The following PTPRR variants were observed in gnomAD, a reference collection of about 807,000 sequenced individuals.
The protein encoded by PTPRR is protein tyrosine phosphatase receptor type R, also known as receptor-type tyrosine-protein phosphatase R.
Under a neutral mutation model 77.2 loss-of-function variants are expected in PTPRR, and 38 were observed. The ratio of observed to expected loss-of-function variants is 0.49; its 90% CI spans 0.38 to 0.65. The LOEUF is 0.65. PTPRR is among the 30% of genes least tolerant of loss of function. PTPRR has a pLI of 0.00. For missense variants in PTPRR, 744 were observed against 799.2 expected (o/e 0.93, Z 0.83); for synonymous variants, 299 against 283.1 (o/e 1.06, Z -0.57).
At chr12:70,798,147 C>T (rs554903757) in intron 2 of PTPRR, among the ~76,000 whole-genome samples, 1 of 152,284 alleles carries the variant, frequency 6.6e-6, no homozygotes, top group African/African-American at 2.4e-5. Context: ...AGTGGAACTA[C>T]TAATCATTCA....
intron 1 of PTPRR, among the ~76,000 whole-genome samples, chr12:70,910,449 A>G (rs576715457): frequency 6.6e-6 from 1 of 152,304 alleles, no homozygotes; most frequent in East Asian, 1.9e-4. Flanking sequence ...CACCTTGGGT[A>G]GAGTTTAGCA....
At chr12:70,785,511 A>G (rs762103262) in intron 2 of PTPRR, among the ~76,000 whole-genome samples, 5 of 152,210 alleles carry the variant, frequency 3.3e-5, no homozygotes, top group Non-Finnish European at 7.3e-5. Context: ...ATTTTGAGTA[A>G]GCCCCTATCC....
chr12:70,706,011 C>T (rs1318617921), intron 6 of PTPRR, among the ~76,000 whole-genome samples: 2 of 150,306 alleles, frequency 1.3e-5, no homozygotes, highest in African/African-American at 4.9e-5. Flanking sequence ...TCTAGAATAA[C>T]TCTACTTAAA....
chr12:70,775,908 G>A (rs7306834), intron 2 of PTPRR, among the ~76,000 whole-genome samples: 2 of 151,926 alleles, frequency 1.3e-5, no homozygotes, highest in South Asian at 4.2e-4. Flanking sequence ...AGTAGAGAAC[G>A]CTGACCTGTT....
intron 2 of PTPRR, among the ~76,000 whole-genome samples, chr12:70,877,909 T>C (rs1393814438): frequency 6.6e-6 from 1 of 151,952 alleles, no homozygotes; most frequent in East Asian, 1.9e-4. Flanking sequence ...GAGATATAGA[T>C]CAATGGAACA....
At position 70,764,765 on chromosome 12, in the gene PTPRR, T is replaced by A. The variant is rs1321936566; in HGVS notation, c.371A>T (p.Asp124Val). ...ANVIVVTLQM[D>V]VNKLNITLLR... Reference sequence around the variant, plus strand: ...CAAGGTTATGTTCAGCTTGTTTACATCCATTTGCAGTGTCTAGAAAATAAG... The same window carrying A: ...CAAGGTTATGTTCAGCTTGTTTACAACCATTTGCAGTGTCTAGAAAATAAG... Residue 124 changes from aspartate to valine, a missense_variant, in exon 3 of 14, where the codon GAT becomes GTT. Transcript: ENST00000283228. 6.2e-7 allele frequency: 1 copy of A among 1,613,522 alleles called. No homozygotes were observed. The highest frequency in any genetic ancestry group is 1.3e-5 in the African/African-American group (1 of 75,054).
At chr12:70,915,192 T>G (rs1326362749) in intron 1 of PTPRR, among the ~76,000 whole-genome samples, 1 of 152,114 alleles carries the variant, frequency 6.6e-6, no homozygotes, top group Non-Finnish European at 1.5e-5. Context: ...GGTCAAAATA[T>G]ATAAGTACTA....
At chr12:70,654,952 C>A (rs1269866956) in intron 13 of PTPRR, among the ~76,000 whole-genome samples, 1 of 152,180 alleles carries the variant, frequency 6.6e-6, no homozygotes, top group Non-Finnish European at 1.5e-5. Flanking sequence ...GCCAACAAAA[C>A]TCTTGTTCCA....
chr12:70,774,500 A>G (rs1891048664), intron 2 of PTPRR, among the ~76,000 whole-genome samples: 1 of 152,256 alleles, frequency 6.6e-6, no homozygotes, highest in South Asian at 2.1e-4. Flanking sequence ...CATTTGAAAC[A>G]GAAATTTAGA....
At chr12:70,869,843 A>G (rs1455905590) in intron 2 of PTPRR, among the ~76,000 whole-genome samples, 1 of 152,206 alleles carries the variant, frequency 6.6e-6, no homozygotes, top group Non-Finnish European at 1.5e-5. Context: ...ACATTAGCCA[A>G]AAACAGTGAT....
intron 2 of PTPRR, among the ~76,000 whole-genome samples, chr12:70,865,888 A>C (rs1470196330): frequency 6.6e-6 from 1 of 152,218 alleles, no homozygotes; most frequent in East Asian, 1.9e-4. Flanking sequence ...CAACCACCTC[A>C]AAACAAGACA....
chr12:70,720,004 A>T, intron 6 of PTPRR, among the ~76,000 whole-genome samples: 1 of 152,236 alleles, frequency 6.6e-6, no homozygotes, highest in Non-Finnish European at 1.5e-5. Flanking sequence ...CACAAGCGCC[A>T]CCTGGAGGGT....
At chr12:70,683,915 T>C (rs577924544) in intron 10 of PTPRR, among the ~76,000 whole-genome samples, 1 of 152,310 alleles carries the variant, frequency 6.6e-6, no homozygotes, top group South Asian at 2.1e-4. Flanking sequence ...AAATTAGATA[T>C]GTATATGCCA....
At chr12:70,896,331 A>C (rs893813593) in intron 1 of PTPRR, among the ~76,000 whole-genome samples, 4 of 151,730 alleles carry the variant, frequency 2.6e-5, no homozygotes, top group African/African-American at 9.7e-5. Context: ...GAGGAGAAAG[A>C]AAAGAAGCAA....
At chr12:70,694,725 T>C (rs1479589620) in intron 8 of PTPRR, among the ~76,000 whole-genome samples, 1 of 152,088 alleles carries the variant, frequency 6.6e-6, no homozygotes, top group Admixed American at 6.5e-5. Flanking sequence ...CTGGGTGTCA[T>C]GCCGTCAGAA....
At chr12:70,785,815 C>G (rs977795471) in intron 2 of PTPRR, among the ~76,000 whole-genome samples, 1 of 152,164 alleles carries the variant, frequency 6.6e-6, no homozygotes, top group Non-Finnish European at 1.5e-5. Flanking sequence ...ATCCTGGGTA[C>G]AGTAAACAAA....
intron 13 of PTPRR, among the ~76,000 whole-genome samples, chr12:70,640,343 A>T (rs1566036100): frequency 3.3e-5 from 5 of 150,174 alleles, no homozygotes; most frequent in Admixed American, 2.0e-4. Context: ...CAATTTTTAA[A>T]TTTTTTTTTT....
intron 10 of PTPRR, among the ~76,000 whole-genome samples, chr12:70,671,281 G>C (rs1400104306): frequency 6.6e-6 from 1 of 151,954 alleles, no homozygotes; most frequent in East Asian, 1.9e-4. Flanking sequence ...TCTTTGGAGA[G>C]TCTAGACAGA....
intron 2 of PTPRR, among the ~76,000 whole-genome samples, chr12:70,882,188 G>A (rs1776370284): frequency 6.6e-6 from 1 of 152,194 alleles, no homozygotes; most frequent in African/African-American, 2.4e-5. Flanking sequence ...GCAAGAGAAA[G>A]TGAAGAGATC....
Sources: gnomAD v4.1 joint callset for allele counts (sites outside exome capture counted in the v4.1 genomes callset) on GRCh38, gnomAD v4.1.1 for gene constraint, MANE v1.5 for transcripts, NCBI Gene and HGNC (gene_info 2026-07-23, HGNC 2026-07-21) for gene names.